The following KIF7 variants were observed in gnomAD, a reference collection of about 807,000 sequenced individuals.
KIF7 encodes kinesin-like protein KIF7.
KIF7 carries 104 observed loss-of-function variants against 135.7 expected under a neutral mutation model. The observed-to-expected ratio is 0.77, with a 90% CI of 0.65 to 0.90. The LOEUF is 0.90. Among genes scored for constraint, KIF7 ranks in the 40% least tolerant of loss-of-function variants. KIF7 has a pLI of 0.00. For synonymous variants in KIF7, 883 were observed against 809.4 expected (o/e 1.09, Z -1.54); for missense variants, 2,005 against 1,839.1 (o/e 1.09, Z -1.65).
chr15:89,657,943 A>T (rs980438686), upstream of KIF7, among the ~76,000 whole-genome samples: 1 of 152,260 alleles, frequency 6.6e-6, no homozygotes, highest in South Asian at 2.1e-4. Flanking sequence ...AACTATTGTA[A>T]TTCAGACAAT....
chr15:89,652,581 G>A (rs1377008210), intron 2 of KIF7, 22 bp downstream of exon 2: 25 of 1,483,304 alleles, frequency 1.7e-5, no homozygotes, highest in Non-Finnish European at 2.3e-5. Context: ...GTGGGCACAG[G>A]GCCACGAACA....
intron 11 of KIF7, among the ~76,000 whole-genome samples, chr15:89,634,308 T>C (rs577579644): frequency 3.4e-4 from 52 of 152,072 alleles, no homozygotes; most frequent in African/African-American, 1.2e-3. Flanking sequence ...CAAAAAATAA[T>C]AACAGGACAC....
intron 3 of KIF7, 24 bp downstream of exon 3, chr15:89,649,717 G>A (rs776218058): frequency 5.2e-6 from 8 of 1,550,192 alleles, no homozygotes; most frequent in Non-Finnish European, 7.0e-6. Context: ...CTCTCCGTCA[G>A]TGGAGGACCC....
intron 15 of KIF7, 149 bp downstream of exon 15, chr15:89,631,346 C>G: frequency 1.4e-6 from 1 of 725,976 alleles, no homozygotes; most frequent in Admixed American, 2.6e-5. Flanking sequence ...GCCAGCCCTC[C>G]CCAGCCCCCA....
In KIF7 at chr15:89,619,664, C is replaced by T. The variant is rs747660143; in HGVS notation, c.181-1469G>A. On this transcript the variant is annotated intron_variant and NMD_transcript_variant, in intron 1 of 2. Transcript: ENST00000558928. ...TTGGACAACATGAGAAAATGTCAAG[C>T]TTGTAGTTGTCTTTGGTTACTTACT... The T allele has an allele frequency of 3.2e-6, 5 of 1,571,032 alleles. No individual in the cohort carries two copies. In the South Asian group the frequency reaches 6.0e-5, roughly 19 times the overall value.
In KIF7 at chr15:89,628,372, T is replaced by G. The variant is rs981031096; in HGVS notation, c.*47A>C. 1.9e-6 allele frequency: 3 copies of G among 1,554,410 alleles called. No individual in the cohort carries two copies. Among genetic ancestry groups the G allele is most frequent in the African/African-American group, 2.7e-5 (2 of 72,800 alleles). On this transcript the variant is annotated 3_prime_UTR_variant, in exon 19 of 19. Coordinates refer to ENST00000394412, the MANE Select transcript of KIF7 (RefSeq NM_198525.3). ...GAAGCAAAACAGGCAGCTGCCCCTTTCAGCAGGCTCGGAGTCTCCCTCCAA... is the reference window on the plus strand; with the variant it reads ...GAAGCAAAACAGGCAGCTGCCCCTTGCAGCAGGCTCGGAGTCTCCCTCCAA...
At chr15:89,625,535 G>A (rs536495084), downstream of KIF7, 9 of 1,613,544 alleles carry the variant, frequency 5.6e-6, no homozygotes, top group East Asian at 1.6e-4. Context: ...GAGCTCGAGG[G>A]AGTGTGCCAG....
chr15:89,647,072 C>A lies in KIF7; in HGVS notation c.1561-15G>T. 1 of 1,564,504 alleles carries A rather than the reference C, an allele frequency of 6.4e-7. No homozygotes were observed. The highest frequency in any genetic ancestry group is 2.4e-5 in the East Asian group (1 of 42,416). On this transcript the variant is annotated splice_polypyrimidine_tract_variant and intron_variant, in intron 6 of 18. Coordinates refer to ENST00000394412, the MANE Select transcript of KIF7 (RefSeq NM_198525.3). Reference sequence around the variant, plus strand: ...AGCCGGTCGCTCTGCAAGACATGGTCCAGGTGCCAAGGGGGCATGAATGCC... The same window carrying A: ...AGCCGGTCGCTCTGCAAGACATGGTACAGGTGCCAAGGGGGCATGAATGCC...
At chr15:89,653,516 C>T (rs1417367948) in intron 1 of KIF7, among the ~76,000 whole-genome samples, 1 of 152,180 alleles carries the variant, frequency 6.6e-6, no homozygotes, top group African/African-American at 2.4e-5. Flanking sequence ...GCCAGGATGA[C>T]TTTGAGCAGC....
intron 17 of KIF7, 28 bp downstream of exon 17, chr15:89,629,347 G>A (rs760692380): frequency 6.4e-7 from 1 of 1,551,332 alleles, no homozygotes; most frequent in Non-Finnish European, 8.7e-7. Flanking sequence ...GGGGGCCGGG[G>A]TTGTGAGCCA....
At chr15:89,625,730 C>T (rs138704453), downstream of KIF7, 2 of 1,613,118 alleles carry the variant, frequency 1.2e-6, no homozygotes, top group Non-Finnish European at 1.7e-6. Context: ...GAGGGGTCTC[C>T]AAGTTGGAGT....
At chr15:89,641,009 T>C (rs1172468188) in intron 11 of KIF7, among the ~76,000 whole-genome samples, 2 of 151,448 alleles carry the variant, frequency 1.3e-5, no homozygotes, top group African/African-American at 4.9e-5. Flanking sequence ...TCTCAAAAAA[T>C]AAAAAATGAA....
At chr15:89,631,195 C>T (rs995098339) in intron 15 of KIF7, 6 of 412,760 alleles carry the variant, frequency 1.5e-5, no homozygotes, top group East Asian at 4.2e-5. Context: ...ACTCCACACA[C>T]GAAGCCGAGA....
chr15:89,624,903 G>A (rs145199709), downstream of KIF7: 33 of 1,614,104 alleles, frequency 2.0e-5, no homozygotes, highest in African/African-American at 4.0e-4. Flanking sequence ...CCACAGATGG[G>A]AGACAGTGCC....
rs1596078333 is a variant in KIF7, at chr15:89,648,552, G to A, written c.1146C>T (p.Thr382=). 1.4e-6 allele frequency: 2 copies of A among 1,397,094 alleles called. No homozygotes were observed. Among genetic ancestry groups the A allele is most frequent in the Non-Finnish European group, 1.9e-6 (2 of 1,074,424 alleles). 86.5% of individuals were successfully genotyped at this position (1,397,094 alleles called of 1,614,324 possible). A position where few individuals can be genotyped will look rare whatever the true frequency, so the allele number is the denominator to read the frequency against. ...ARGPPRHRSE[T]RIIHRGRRAP... The stretch of plus-strand genomic sequence containing the variant: ...CGCGCCGGCCGCGGTGGATGATGCG[G>A]GTCTCGGAGCGGTGCCGTGGCGGAC... The change falls in exon 5 of 19, where the codon ACC becomes ACT. Residue 382 remains threonine (T), a synonymous_variant. Coordinates refer to ENST00000394412, the MANE Select transcript of KIF7 (RefSeq NM_198525.3).
chr15:89,630,344 C>T lies in KIF7; in HGVS notation c.3261G>A (p.Lys1087=), dbSNP rs566534275. 6.2e-7 allele frequency: 1 copy of T among 1,614,170 alleles called. No individual in the cohort carries two copies. Among genetic ancestry groups the T allele is most frequent in the Admixed American group, 1.7e-5 (1 of 60,026 alleles). ...LSQCEMNLMA[K]LSYLSSSETR... ...TCTCTGAGGATGAGAGGTAGCTGAG[C>T]TTGGCCATGAGGTTCATCTCGCACT... Residue 1087 remains lysine (K), a synonymous_variant, in exon 16 of 19, where the codon AAG becomes AAA. Coordinates refer to ENST00000394412, the MANE Select transcript of KIF7 (RefSeq NM_198525.3).
chr15:89,623,974 A>C (rs923019325), downstream of KIF7: 1 of 1,613,994 alleles, frequency 6.2e-7, no homozygotes, highest in Middle Eastern at 1.6e-4. Context: ...CAGTCCAGAA[A>C]GCCCCTCCTG....
downstream of KIF7, chr15:89,624,502 T>G (rs1378607616): frequency 6.2e-7 from 1 of 1,613,934 alleles, no homozygotes; most frequent in Admixed American, 1.7e-5. Context: ...CATCGTGGAG[T>G]GTCAGCCTGA....
At chr15:89,619,866 TC>T in intron 1 of KIF7, 1 of 1,590,422 alleles carries the variant, frequency 6.3e-7, no homozygotes, top group Non-Finnish European at 8.5e-7. Context: ...CCCTCTGCCT[TC>T]ACAAGTCCGT....
Sources: allele counts gnomAD v4.1 joint callset (sites outside exome capture counted in the v4.1 genomes callset), GRCh38; gene constraint gnomAD v4.1.1; transcripts MANE v1.5; gene names NCBI Gene and HGNC (gene_info 2026-07-23, HGNC 2026-07-21).